The following RIMS3 variants were observed in gnomAD, a reference collection of about 807,000 sequenced individuals.
RIMS3 encodes regulating synaptic membrane exocytosis protein 3.
A neutral mutation model predicts 29.2 loss-of-function variants in RIMS3; 15 were observed. The ratio of observed to expected loss-of-function variants is 0.51; its 90% CI spans 0.34 to 0.79. The LOEUF is 0.79. RIMS3 is among the 30% of genes least tolerant of loss of function. The probability of loss-of-function intolerance (pLI) is 0.01; values close to 1 mark genes in which losing one functional copy is unlikely to be tolerated. For missense variants in RIMS3, 342 were observed against 421.4 expected (o/e 0.81, Z 1.65); for synonymous variants, 161 against 170.1 (o/e 0.95, Z 0.41).
intron 1 of RIMS3, among the ~76,000 whole-genome samples, chr1:40,648,278 C>A (rs1208938320): frequency 2.6e-5 from 4 of 152,238 alleles, no homozygotes; most frequent in African/African-American, 9.6e-5. Flanking sequence ...TTCAGCTTCT[C>A]TGAACCATTC....
chr1:40,648,825 T>C (rs990441854), intron 1 of RIMS3, among the ~76,000 whole-genome samples: 1 of 152,182 alleles, frequency 6.6e-6, no homozygotes, highest in Non-Finnish European at 1.5e-5. Context: ...CGCATGAAGC[T>C]GTGCCAGCAT....
At chr1:40,675,582 A>G in the RIMS3 span, among the ~76,000 whole-genome samples, 20 of 152,014 alleles carry the variant, frequency 1.3e-4, no homozygotes, top group African/African-American at 4.8e-4. Flanking sequence ...ACATGGTGAA[A>G]CCCTGTCTCT....
chr1:40,670,609 T>TATATATATATATA (rs55692608), upstream of RIMS3, among the ~76,000 whole-genome samples: 475 of 135,432 alleles, frequency 3.5e-3, no homozygotes, highest in South Asian at 4.9e-3. Flanking sequence ...TATATATATA[T>TATATATATATATA]TTGAGATGGA....
chr1:40,660,501 C>G (rs143236767), intron 1 of RIMS3, among the ~76,000 whole-genome samples: 54 of 152,008 alleles, frequency 3.6e-4, no homozygotes, highest in Admixed American at 1.0e-3. Flanking sequence ...CCTCAGCCCC[C>G]CAAGCAGCTG....
chr1:40,640,492 C>G (rs908465367), intron 3 of RIMS3, among the ~76,000 whole-genome samples: 8 of 152,178 alleles, frequency 5.3e-5, no homozygotes, highest in Non-Finnish European at 1.2e-4. Context: ...CAACTGGGAG[C>G]CTTGATGAGC....
intron 5 of RIMS3, among the ~76,000 whole-genome samples, chr1:40,632,444 A>ATG (rs1646495456): frequency 7.5e-6 from 1 of 132,964 alleles, no homozygotes. Context: ...ATATATATAT[A>ATG]TATATATATA....
chr1:40,631,746 G>C (rs1356022347), intron 5 of RIMS3, among the ~76,000 whole-genome samples: 1 of 152,030 alleles, frequency 6.6e-6, no homozygotes, highest in Non-Finnish European at 1.5e-5. Flanking sequence ...TTGGGAGGCT[G>C]AGGTGGATGA....
At chr1:40,640,938 C>T (rs1646551911) in intron 3 of RIMS3, among the ~76,000 whole-genome samples, 2 of 152,180 alleles carry the variant, frequency 1.3e-5, no homozygotes, top group South Asian at 4.1e-4. Flanking sequence ...TGACCATGCG[C>T]AGTGTGAATT....
In RIMS3 at chr1:40,656,038, T is replaced by C. The variant is rs536579356; in HGVS notation, c.-206-8196A>G. Among the ~76,000 whole-genome samples the C allele has an allele frequency of 4.9e-4, 74 of 151,922 alleles. No homozygotes were observed. In the South Asian group the frequency reaches 0.013, roughly 26 times the overall value. On this transcript the variant is annotated intron_variant, in intron 1 of 7. Transcript: ENST00000372684. ...AACAAACAAACAAACAAAACAAATC[T>C]ACAGACTCTTGTACTGTTTATTACT...
the RIMS3 span, among the ~76,000 whole-genome samples, chr1:40,671,109 G>A: frequency 1.3e-5 from 2 of 152,122 alleles, no homozygotes; most frequent in African/African-American, 4.8e-5. Context: ...GAGATTTTGT[G>A]GTTTAGGTAG....
chr1:40,691,375 C>T, the RIMS3 span: 4 of 197,674 alleles, frequency 2.0e-5, no homozygotes, highest in African/African-American at 9.6e-5. Context: ...CACACACGCC[C>T]CTACTTAGTT....
the RIMS3 span, chr1:40,692,051 C>G: frequency 4.8e-6 from 1 of 207,672 alleles, no homozygotes; most frequent in South Asian, 4.3e-5. Flanking sequence ...CGCCGCCGCG[C>G]TCGTGGGGTC....
chr1:40,661,528 G>A (rs573378698), intron 1 of RIMS3, among the ~76,000 whole-genome samples: 48 of 152,244 alleles, frequency 3.2e-4, no homozygotes, highest in Non-Finnish European at 6.5e-4. Flanking sequence ...CCTTCTAGGC[G>A]CAGGGCCCTG....
At position 40,643,534 on chromosome 1, in the gene RIMS3, T is replaced by A. The variant is rs565356799; in HGVS notation, c.-31-1578A>T. 8.7e-5 allele frequency among the ~76,000 whole-genome samples: 13 copies of A among 149,410 alleles called. No homozygotes were observed. The East Asian group carries it at 2.5e-3, about 29-fold the overall frequency. Reference sequence around the variant, plus strand: ...CTCTGTCACTCAGGCTGGAGTGCAGTGGCACGATCTCGACTCACTGGAACC... The same window carrying A: ...CTCTGTCACTCAGGCTGGAGTGCAGAGGCACGATCTCGACTCACTGGAACC... On this transcript the variant is annotated intron_variant, in intron 2 of 7. Coordinates refer to ENST00000372684, the MANE Select transcript of RIMS3 (RefSeq NM_014747.3).
In RIMS3 at chr1:40,623,655, T is replaced by G; in HGVS notation, c.*2862A>C. On this transcript the variant is annotated 3_prime_UTR_variant, in exon 8 of 8. Transcript: ENST00000372684. ...AGACTTCTGGAGGGATCATGTTCCT[T>G]CCTTCCCCACCCCCCGTCCTCAAAC... The G allele has an allele frequency of 2.5e-6, 1 of 397,242 alleles. No individual in the cohort carries two copies. Among genetic ancestry groups the G allele is most frequent in the Non-Finnish European group, 4.4e-6 (1 of 225,854 alleles). The allele number at this position is 397,242 out of a possible 1,614,324, so 24.6% of individuals were successfully genotyped here.
At chr1:40,650,551 T>C (rs1646625205) in intron 1 of RIMS3, among the ~76,000 whole-genome samples, 1 of 152,122 alleles carries the variant, frequency 6.6e-6, no homozygotes, top group South Asian at 2.1e-4. Context: ...CCACACTTGC[T>C]TCTTTTCAGT....
upstream of RIMS3, among the ~76,000 whole-genome samples, chr1:40,667,493 C>T (rs1372784589): frequency 2.0e-5 from 3 of 152,162 alleles, no homozygotes; most frequent in African/African-American, 7.2e-5. Flanking sequence ...CTTTGCACAT[C>T]TGATGAAAAC....
the RIMS3 span, among the ~76,000 whole-genome samples, chr1:40,689,090 A>G: frequency 6.6e-6 from 1 of 152,184 alleles, no homozygotes; most frequent in Non-Finnish European, 1.5e-5. Context: ...GGCTTACAAC[A>G]AAGGTTTATT....
chr1:40,644,470 C>T (rs1646581141), intron 2 of RIMS3, among the ~76,000 whole-genome samples: 1 of 152,240 alleles, frequency 6.6e-6, no homozygotes, highest in Non-Finnish European at 1.5e-5. Context: ...CCAACTTGGT[C>T]CTGCCCTCCC....
Sources: allele counts gnomAD v4.1 joint callset (sites outside exome capture counted in the v4.1 genomes callset), GRCh38; gene constraint gnomAD v4.1.1; transcripts MANE v1.5; gene names NCBI Gene and HGNC (gene_info 2026-07-23, HGNC 2026-07-21).